The following STK4 variants were observed in gnomAD, a reference collection of about 807,000 sequenced individuals.
The protein encoded by STK4 is serine/threonine kinase 4.
Under a neutral mutation model 64.9 loss-of-function variants are expected in STK4, and 30 were observed. The observed-to-expected ratio is 0.46, with a 90% confidence interval of 0.35 to 0.63. STK4 has a LOEUF of 0.63. STK4 is among the 20% of genes least tolerant of loss of function. The probability of loss-of-function intolerance (pLI) is 0.01; values close to 1 mark genes in which losing one functional copy is unlikely to be tolerated. For missense variants in STK4, 466 were observed against 598.5 expected, an observed-to-expected ratio of 0.78 and a Z score of 2.31; for synonymous variants, 177 against 199.0, an observed-to-expected ratio of 0.89 and a Z score of 0.93.
At chr20:45,030,189 C>T (rs1006590412) in intron 10 of STK4, among the ~76,000 whole-genome samples, 2 of 151,692 alleles carry the variant, frequency 1.3e-5, no homozygotes, top group African/African-American at 2.4e-5. Flanking sequence ...TCACTGCAAC[C>T]TCTGCCGCCC....
chr20:45,012,540 T>C lies in STK4; in HGVS notation c.1147+11187T>C, dbSNP rs1426182286. Among the ~76,000 whole-genome samples the C allele has an allele frequency of 2.0e-5, 3 of 152,326 alleles. No individual in the cohort carries two copies. In the East Asian group the frequency reaches 5.8e-4, roughly 29 times the overall value. On this transcript the variant is annotated intron_variant, in intron 9 of 10. Transcript: ENST00000372806. The stretch of plus-strand genomic sequence containing the variant: ...AATTTTATAATTGTACCAACAAAGA[T>C]GTTTTAGAGCTTTTTGTTAAATCTA...
rs1355580061 is a variant in STK4 at position 45,077,225 on chromosome 20, G to A, written c.*2049G>A. 1 of 152,154 alleles carries A rather than the reference G, an allele frequency of 6.6e-6. No homozygotes were observed. Among genetic ancestry groups the A allele is most frequent in the African/African-American group, 2.4e-5 (1 of 41,428 alleles). The allele number at this position is 152,154 out of a possible 1,614,324, so 9.4% of individuals were successfully genotyped here. On this transcript the variant is annotated 3_prime_UTR_variant, in exon 11 of 11. Coordinates refer to ENST00000372806, the MANE Select transcript of STK4 (RefSeq NM_006282.5). ...GTCACAAGCCTGTTTAAAATGAAGT[G>A]ACCACCTTTTCTTGCATAGACTAAA...
intron 9 of STK4, among the ~76,000 whole-genome samples, chr20:45,020,447 T>C (rs1218593533): frequency 1.7e-5 from 2 of 120,878 alleles, no homozygotes; most frequent in Non-Finnish European, 3.4e-5. Flanking sequence ...TGCGTGTGTG[T>C]GTGTGTGTGT....
intron 10 of STK4, among the ~76,000 whole-genome samples, chr20:45,037,041 G>A (rs952380072): frequency 6.6e-6 from 1 of 152,170 alleles, no homozygotes; most frequent in African/African-American, 2.4e-5. Context: ...AACCAAAGCA[G>A]TTTGGCTCCA....
chr20:44,973,702 C>T (rs1466909803), intron 2 of STK4, among the ~76,000 whole-genome samples: 3 of 152,190 alleles, frequency 2.0e-5, no homozygotes, highest in Non-Finnish European at 4.4e-5. Context: ...TCATAATAGA[C>T]AAGTGGGCTT....
intron 4 of STK4, among the ~76,000 whole-genome samples, chr20:44,986,728 A>G (rs2067536598): frequency 6.6e-6 from 1 of 152,234 alleles, no homozygotes. Context: ...TTTTGAAGAT[A>G]GAGAAAAGTC....
At chr20:44,998,950 G>C (rs6103952) in intron 7 of STK4, among the ~76,000 whole-genome samples, 9,348 of 151,980 alleles carry the variant, frequency 0.062, 965 homozygotes, top group African/African-American at 0.21. Context: ...GCGCATGCCT[G>C]TAATCCCAGC....
chr20:44,985,703 G>T (rs1244955420), intron 4 of STK4, among the ~76,000 whole-genome samples: 1 of 152,154 alleles, frequency 6.6e-6, no homozygotes, highest in Non-Finnish European at 1.5e-5. Flanking sequence ...TAATATCAAA[G>T]GTGTTAAATT....
chr20:44,982,327 G>T (rs899071236), intron 4 of STK4, among the ~76,000 whole-genome samples: 2 of 151,084 alleles, frequency 1.3e-5, no homozygotes, highest in East Asian at 3.9e-4. Flanking sequence ...TGGAGATGGT[G>T]TCTCACTGTG....
At position 45,077,685 on chromosome 20, in the gene STK4, CCT is replaced by C. The variant is rs1452009243; in HGVS notation, c.*2514_*2515del. On this transcript the variant is annotated 3_prime_UTR_variant, in exon 11 of 11. Coordinates refer to ENST00000372806, the MANE Select transcript of STK4 (RefSeq NM_006282.5). The stretch of plus-strand genomic sequence containing the variant: ...TACAGGCATGAGCCACCGCTCCTGG[CCT>C]CTCTTTCTTTTTTAAACAAAGAACT... 2 of 152,214 alleles carry C rather than the reference CCT, an allele frequency of 1.3e-5. No homozygotes were observed. The highest frequency in any genetic ancestry group is 2.9e-5 in the Non-Finnish European group (2 of 68,052). The allele number at this position is 152,214 out of a possible 1,614,324, so 9.4% of individuals were successfully genotyped here. A position where few individuals can be genotyped will look rare whatever the true frequency, so the allele number is the denominator to read the frequency against.
In STK4 at chr20:45,046,676, A is replaced by T. The variant is rs1280510910; in HGVS notation, c.1305+21546A>T. Among the ~76,000 whole-genome samples, 36 of 147,466 alleles carry T rather than the reference A, an allele frequency of 2.4e-4. 1 individual carries two copies. The highest frequency in any genetic ancestry group is 9.0e-4 in the African/African-American group (36 of 39,812). On this transcript the variant is annotated intron_variant, in intron 10 of 10. Transcript: ENST00000372806. The stretch of plus-strand genomic sequence containing the variant: ...TAATTTGCTTTTCTTTTTTTTTTTA[A>T]ATTTATTTATTTATTTTTTTTCCGA...
intron 10 of STK4, among the ~76,000 whole-genome samples, chr20:45,033,017 G>T (rs1284724755): frequency 1.3e-5 from 2 of 152,120 alleles, no homozygotes; most frequent in Non-Finnish European, 2.9e-5. Context: ...TTTTTCTAAT[G>T]GTTAGTGATG....
At chr20:44,985,063 G>A (rs1208678123) in intron 4 of STK4, among the ~76,000 whole-genome samples, 1 of 152,120 alleles carries the variant, frequency 6.6e-6, no homozygotes, top group Non-Finnish European at 1.5e-5. Context: ...ATAAAGAGGT[G>A]GTAAGTCAAG....
intron 5 of STK4, among the ~76,000 whole-genome samples, chr20:44,989,283 G>GT (rs1242044732): frequency 1.3e-5 from 2 of 151,988 alleles, no homozygotes; most frequent in African/African-American, 4.8e-5. Flanking sequence ...TCTTTTTTGT[G>GT]TTTTTGATTA....
At chr20:44,970,742 A>G (rs2067228950) in intron 1 of STK4, 1 of 152,182 alleles carries the variant, frequency 6.6e-6, no homozygotes, top group Non-Finnish European at 1.5e-5. Context: ...TCTCTAGTTT[A>G]TAGTCCTTGA....
chr20:44,991,205 A>G (rs749837847), intron 5 of STK4, among the ~76,000 whole-genome samples: 2 of 151,656 alleles, frequency 1.3e-5, no homozygotes, highest in Non-Finnish European at 2.9e-5. Context: ...TGGGTATTTC[A>G]TTGTATGGAT....
chr20:45,011,860 A>T (rs1244755374), intron 9 of STK4, among the ~76,000 whole-genome samples: 1 of 150,668 alleles, frequency 6.6e-6, no homozygotes, highest in Non-Finnish European at 1.5e-5. Flanking sequence ...TATGAGCTCT[A>T]GTAGTCTGTT....
At chr20:45,032,723 A>T (rs894798207) in intron 10 of STK4, among the ~76,000 whole-genome samples, 1 of 152,182 alleles carries the variant, frequency 6.6e-6, no homozygotes, top group African/African-American at 2.4e-5. Context: ...ATAGTACTGC[A>T]GCGAACACAA....
intron 10 of STK4, among the ~76,000 whole-genome samples, chr20:45,046,685 A>AT (rs1211103992): frequency 1.7e-4 from 24 of 141,392 alleles, no homozygotes; most frequent in African/African-American, 6.1e-4. Context: ...AAATTTATTT[A>AT]TTTATTTTTT....
Sources: gnomAD v4.1 joint callset for allele counts (sites outside exome capture counted in the v4.1 genomes callset) on GRCh38, gnomAD v4.1.1 for gene constraint, MANE v1.5 for transcripts, NCBI Gene and HGNC (gene_info 2026-07-23, HGNC 2026-07-21) for gene names.